Variants in GLIS3 observed in about 807,000 individuals in gnomAD.
GLIS3 encodes zinc finger protein GLIS3.
GLIS3 carries 53 observed loss-of-function variants against 78.6 expected under a neutral mutation model. The observed-to-expected ratio is 0.67, with a 90% CI of 0.54 to 0.85. GLIS3 has a LOEUF of 0.85. GLIS3 is among the 40% of genes least tolerant of loss of function. The probability of loss-of-function intolerance (pLI) is 0.00; values close to 1 mark genes in which losing one functional copy is unlikely to be tolerated. For missense variants in GLIS3, 1,703 were observed against 1,231.1 expected (o/e 1.38, Z -5.74); for synonymous variants, 684 against 509.9 (o/e 1.34, Z -4.60).
At chr9:3,969,915 C>A (rs547270371) in intron 4 of GLIS3, among the ~76,000 whole-genome samples, 10 of 152,298 alleles carry the variant, frequency 6.6e-5, no homozygotes, top group African/African-American at 1.9e-4. Context: ...TAGATCAATT[C>A]TGTTATTTCC....
chr9:4,201,347 G>C (rs957879233), intron 2 of GLIS3, among the ~76,000 whole-genome samples: 1 of 151,978 alleles, frequency 6.6e-6, no homozygotes, highest in African/African-American at 2.4e-5. Context: ...AATCAGACAA[G>C]AGAAAGAAAA....
intron 4 of GLIS3, among the ~76,000 whole-genome samples, chr9:4,025,170 T>C (rs1351824538): frequency 2.0e-5 from 3 of 151,688 alleles, no homozygotes; most frequent in African/African-American, 7.3e-5. Flanking sequence ...GAGAATCACT[T>C]GAATCCAGGA....
chr9:4,206,813 C>T (rs550108183), intron 2 of GLIS3, among the ~76,000 whole-genome samples: 5 of 152,264 alleles, frequency 3.3e-5, no homozygotes, highest in South Asian at 2.1e-4. Context: ...TATTGAAATG[C>T]GACCTGTCAA....
chr9:4,168,158 T>A (rs1816036521), intron 2 of GLIS3, among the ~76,000 whole-genome samples: 1 of 151,940 alleles, frequency 6.6e-6, no homozygotes, highest in Non-Finnish European at 1.5e-5. Context: ...TTTCTTATCT[T>A]CTCTCTCTTC....
At chr9:4,387,650 T>C in the GLIS3 span, among the ~76,000 whole-genome samples, 1 of 152,322 alleles carries the variant, frequency 6.6e-6, no homozygotes, top group Admixed American at 6.5e-5. Context: ...TAAAATTAAA[T>C]AGATCAAAGA....
chr9:4,175,419 A>C (rs981317480), intron 2 of GLIS3, among the ~76,000 whole-genome samples: 3 of 152,226 alleles, frequency 2.0e-5, no homozygotes, highest in Non-Finnish European at 4.4e-5. Context: ...AACTTATCCC[A>C]TGCTAGGCCT....
rs12350622 is a variant in GLIS3 at position 3,881,027 on chromosome 9, A to G, written c.2129-1432T>C. On this transcript the variant is annotated intron_variant, in intron 7 of 10. Coordinates refer to ENST00000381971, the MANE Select transcript of GLIS3 (RefSeq NM_001042413.2). ...GTGCGTCAGCTTCCATACAAGTTGC[A>G]TATTTGCAAACTCACTAGAGTCACC... 3.9e-3 allele frequency among the ~76,000 whole-genome samples: 589 copies of G among 152,324 alleles called. 4 individuals carry two copies. The highest frequency in any genetic ancestry group is 0.014 in the African/African-American group (565 of 41,578).
chr9:4,026,955 ACTGT>A (rs1380029959), intron 4 of GLIS3, among the ~76,000 whole-genome samples: 1 of 152,162 alleles, frequency 6.6e-6, no homozygotes, highest in African/African-American at 2.4e-5. Flanking sequence ...CAAACCTAAG[ACTGT>A]CTGACACTAA....
the GLIS3 span, among the ~76,000 whole-genome samples, chr9:4,353,429 G>C: frequency 6.6e-6 from 1 of 152,288 alleles, no homozygotes; most frequent in South Asian, 2.1e-4. Flanking sequence ...AACTACTCAA[G>C]TCCATTGAGC....
At chr9:4,217,069 G>T (rs1203430957) in intron 2 of GLIS3, among the ~76,000 whole-genome samples, 1 of 152,158 alleles carries the variant, frequency 6.6e-6, no homozygotes, top group Non-Finnish European at 1.5e-5. Flanking sequence ...ACTCCAGTTT[G>T]TATTTGTCAG....
the GLIS3 span, among the ~76,000 whole-genome samples, chr9:4,381,365 C>T: frequency 1.3e-5 from 2 of 152,120 alleles, no homozygotes; most frequent in Non-Finnish European, 2.9e-5. Context: ...GTCTGCCTGG[C>T]TCATAAGGTA....
chr9:4,419,246 A>G, the GLIS3 span, among the ~76,000 whole-genome samples: 1 of 152,154 alleles, frequency 6.6e-6, no homozygotes, highest in Non-Finnish European at 1.5e-5. Flanking sequence ...ACAGCTGCTA[A>G]TCTCTTTTGA....
At chr9:4,256,566 T>C (rs1049981089) in intron 2 of GLIS3, among the ~76,000 whole-genome samples, 7 of 152,202 alleles carry the variant, frequency 4.6e-5, no homozygotes, top group Admixed American at 2.0e-4. Flanking sequence ...GAATGGTAAG[T>C]TGGCAACATA....
chr9:4,099,768 A>G (rs990993005), intron 4 of GLIS3, among the ~76,000 whole-genome samples: 28 of 152,230 alleles, frequency 1.8e-4, no homozygotes, highest in African/African-American at 6.8e-4. Context: ...GAAGAGAAAT[A>G]TCATATTTTA....
intron 4 of GLIS3, among the ~76,000 whole-genome samples, chr9:4,067,296 A>T (rs1827184665): frequency 6.6e-6 from 1 of 151,724 alleles, no homozygotes; most frequent in African/African-American, 2.4e-5. Context: ...AATATAAAGT[A>T]TTATATTCTT....
intron 4 of GLIS3, among the ~76,000 whole-genome samples, chr9:4,033,021 T>C (rs561309450): frequency 1.3e-5 from 2 of 152,124 alleles, no homozygotes; most frequent in African/African-American, 4.8e-5. Context: ...GCCTGGCTAA[T>C]TTTTTTGTTT....
chr9:4,400,018 G>T, the GLIS3 span, among the ~76,000 whole-genome samples: 1 of 152,156 alleles, frequency 6.6e-6, no homozygotes, highest in Admixed American at 6.5e-5. Context: ...AATGGGATGA[G>T]ACAAGGCCAC....
At chr9:4,252,004 G>C (rs1177138064) in intron 2 of GLIS3, among the ~76,000 whole-genome samples, 2 of 152,180 alleles carry the variant, frequency 1.3e-5, no homozygotes, top group Non-Finnish European at 2.9e-5. Context: ...CCCTTTGTGG[G>C]TAACCGGACC....
intron 4 of GLIS3, among the ~76,000 whole-genome samples, chr9:3,988,128 T>G (rs1819923019): frequency 6.6e-6 from 1 of 152,138 alleles, no homozygotes; most frequent in Non-Finnish European, 1.5e-5. Flanking sequence ...TCAAGCGGTT[T>G]CAAGTGGTGA....
Sources: gnomAD v4.1 joint callset for allele counts (sites outside exome capture counted in the v4.1 genomes callset) on GRCh38, gnomAD v4.1.1 for gene constraint, MANE v1.5 for transcripts, NCBI Gene and HGNC (gene_info 2026-07-23, HGNC 2026-07-21) for gene names.